ST8SIA1: variants seen among roughly 807,000 people sequenced by gnomAD.
ST8SIA1 encodes the protein ST8 alpha-N-acetyl-neuraminide alpha-2,8-sialyltransferase 1, also known as alpha-N-acetylneuraminide alpha-2,8-sialyltransferase.
ST8SIA1 carries 16 observed loss-of-function variants against 35.9 expected under a neutral mutation model. The ratio of observed to expected loss-of-function variants is 0.45; its 90% CI spans 0.30 to 0.68. ST8SIA1 has a LOEUF of 0.68. Ranked by LOEUF, ST8SIA1 falls within the 30% of genes least tolerant of loss-of-function variation. The probability of loss-of-function intolerance (pLI) is 0.09; values close to 1 mark genes in which losing one functional copy is unlikely to be tolerated. For missense variants in ST8SIA1, 383 were observed against 453.6 expected (o/e 0.84, Z 1.41); for synonymous variants, 170 against 169.6 (o/e 1.00, Z -0.02).
intron 2 of ST8SIA1, among the ~76,000 whole-genome samples, chr12:22,270,617 C>T (rs947844398): frequency 1.3e-5 from 2 of 151,894 alleles, no homozygotes. Context: ...TTTACGTGAA[C>T]CTAGAGTGTG....
At chr12:22,206,485 C>T (rs997563361) in intron 4 of ST8SIA1, among the ~76,000 whole-genome samples, 2 of 152,140 alleles carry the variant, frequency 1.3e-5, no homozygotes, top group African/African-American at 4.8e-5. Flanking sequence ...TGGAAGGACG[C>T]GTCAGTTTCC....
At chr12:22,215,829 G>C (rs1338123208) in intron 4 of ST8SIA1, among the ~76,000 whole-genome samples, 1 of 152,180 alleles carries the variant, frequency 6.6e-6, no homozygotes, top group African/African-American at 2.4e-5. Context: ...TACAGGCTGA[G>C]CCACATAAAG....
chr12:22,207,351 T>C (rs1002209148), intron 4 of ST8SIA1, among the ~76,000 whole-genome samples: 1 of 152,214 alleles, frequency 6.6e-6, no homozygotes, highest in African/African-American at 2.4e-5. Flanking sequence ...TATAAGTGTA[T>C]AGGGTAGACA....
rs1865040739 is a variant in ST8SIA1, at chr12:22,200,791, T to G, written c.*761A>C. 1 of 152,324 alleles carries G rather than the reference T, an allele frequency of 6.6e-6. No homozygotes were observed. Among genetic ancestry groups the G allele is most frequent in the South Asian group, 2.1e-4 (1 of 4,824 alleles). The allele number at this position is 152,324 out of a possible 1,614,324, so 9.4% of individuals were successfully genotyped here. On this transcript the variant is annotated 3_prime_UTR_variant, in exon 5 of 5. Transcript: ENST00000396037. ...TGACAATGCAAACAGGCTTACATAA[T>G]GCAGACCTAAAATTGGGTTTATGTC...
Position 22,247,108 on chromosome 12 carries a change from G to A in ST8SIA1, c.584+1898C>T, listed in dbSNP as rs541873094. Among the ~76,000 whole-genome samples the A allele has an allele frequency of 1.2e-4, 11 of 92,962 alleles. No individual in the cohort carries two copies. In the East Asian group the frequency reaches 3.6e-3, roughly 30 times the overall value. The allele number at this position is 92,962 out of a possible 152,430, so 61.0% of individuals were successfully genotyped here. A position where few individuals can be genotyped will look rare whatever the true frequency, so the allele number is the denominator to read the frequency against. On this transcript the variant is annotated intron_variant, in intron 4 of 4. Transcript: ENST00000396037. ...CCTCATCTCCTTCCCTCCCTCCCTC[G>A]TCTCTTTCCCTCCCTCCCTCATTTC...
chr12:22,305,102 A>T (rs1043298091), intron 1 of ST8SIA1, among the ~76,000 whole-genome samples: 2 of 152,218 alleles, frequency 1.3e-5, no homozygotes, highest in African/African-American at 4.8e-5. Flanking sequence ...AGGTCTTAGG[A>T]ATCTATAAAT....
chr12:22,222,501 TAAC>T (rs1392392206), intron 4 of ST8SIA1, among the ~76,000 whole-genome samples: 3 of 152,132 alleles, frequency 2.0e-5, no homozygotes, highest in Non-Finnish European at 4.4e-5. Flanking sequence ...TTATCACAGT[TAAC>T]AAGCAGTAAA....
At chr12:22,223,964 T>G (rs749917014) in intron 4 of ST8SIA1, among the ~76,000 whole-genome samples, 1 of 152,250 alleles carries the variant, frequency 6.6e-6, no homozygotes, top group Non-Finnish European at 1.5e-5. Context: ...AGTGTTATTA[T>G]GAATTCAAAA....
chr12:22,260,874 G>GTTTT (rs757887864), intron 2 of ST8SIA1, among the ~76,000 whole-genome samples: 472 of 114,222 alleles, frequency 4.1e-3, no homozygotes, highest in Non-Finnish European at 4.9e-3. Flanking sequence ...TATAGTTGTT[G>GTTTT]TTTTTTTTTT....
intron 4 of ST8SIA1, among the ~76,000 whole-genome samples, chr12:22,224,173 T>G (rs1865330744): frequency 6.6e-6 from 1 of 152,172 alleles, no homozygotes; most frequent in African/African-American, 2.4e-5. Flanking sequence ...TTTATTAATA[T>G]GACTGAATAC....
intron 4 of ST8SIA1, among the ~76,000 whole-genome samples, chr12:22,214,615 A>T (rs1170394822): frequency 6.6e-6 from 1 of 152,180 alleles, no homozygotes; most frequent in Non-Finnish European, 1.5e-5. Context: ...CTCAAAACTT[A>T]TTCAAAATTC....
Position 22,211,500 on chromosome 12 carries a change from T to A in ST8SIA1, c.585-9462A>T, listed in dbSNP as rs967486170. Among the ~76,000 whole-genome samples the A allele has an allele frequency of 2.0e-5, 3 of 152,204 alleles. 1 individual carries two copies. The South Asian group carries it at 6.2e-4, about 32-fold the overall frequency. ...TACAAAATACATCACCTTGTGGACA[T>A]TCTAAGGATTTTAGGGGTTGTATGT... is the stretch of plus-strand genomic sequence containing the variant. On this transcript the variant is annotated intron_variant, in intron 4 of 4. Transcript: ENST00000396037.
intron 1 of ST8SIA1, among the ~76,000 whole-genome samples, chr12:22,323,695 GT>G (rs1179668017): frequency 1.3e-5 from 2 of 152,296 alleles, no homozygotes; most frequent in East Asian, 1.9e-4. Flanking sequence ...ATGAGATGGT[GT>G]CCTTTGCAGG....
chr12:22,236,241 C>G (rs1164438034), intron 4 of ST8SIA1, among the ~76,000 whole-genome samples: 1 of 152,150 alleles, frequency 6.6e-6, no homozygotes, highest in Non-Finnish European at 1.5e-5. Flanking sequence ...ACAACACAGG[C>G]CCTTGAGTTT....
intron 1 of ST8SIA1, among the ~76,000 whole-genome samples, chr12:22,321,987 T>A (rs754251092): frequency 1.3e-5 from 2 of 152,230 alleles, no homozygotes; most frequent in Non-Finnish European, 2.9e-5. Context: ...GGCTCATGTA[T>A]CTTTCAGCAA....
intron 1 of ST8SIA1, among the ~76,000 whole-genome samples, chr12:22,295,822 C>A (rs1866236723): frequency 6.6e-6 from 1 of 152,106 alleles, no homozygotes; most frequent in South Asian, 2.1e-4. Flanking sequence ...TATGGCAAGG[C>A]TAAAGGAAGA....
At chr12:22,269,578 C>T (rs934522885) in intron 2 of ST8SIA1, among the ~76,000 whole-genome samples, 10 of 152,022 alleles carry the variant, frequency 6.6e-5, no homozygotes, top group Non-Finnish European at 1.2e-4. Flanking sequence ...TTAACCAATC[C>T]CTTAATGTTG....
intron 2 of ST8SIA1, among the ~76,000 whole-genome samples, chr12:22,270,860 T>C (rs1865904565): frequency 6.6e-6 from 1 of 152,216 alleles, no homozygotes; most frequent in South Asian, 2.1e-4. Context: ...GAAGAAACTT[T>C]TGTAGGAGTC....
At chr12:22,324,736 A>G (rs1866652845) in intron 1 of ST8SIA1, 1 of 152,128 alleles carries the variant, frequency 6.6e-6, no homozygotes, top group Non-Finnish European at 1.5e-5. Context: ...AGGCTTTTTA[A>G]TTTCCTATGC....
Sources: allele counts gnomAD v4.1 joint callset (sites outside exome capture counted in the v4.1 genomes callset), GRCh38; gene constraint gnomAD v4.1.1; transcripts MANE v1.5; gene names NCBI Gene and HGNC (gene_info 2026-07-23, HGNC 2026-07-21).